The following TTC39B variants were observed in gnomAD, a reference collection of about 807,000 sequenced individuals.
TTC39B encodes tetratricopeptide repeat protein 39B.
A neutral mutation model predicts 96.6 loss-of-function variants in TTC39B; 92 were observed. The observed-to-expected ratio is 0.95, with a 90% CI of 0.80 to 1.13. TTC39B has a LOEUF of 1.13. Among genes scored for constraint, TTC39B ranks in the 50% most tolerant of loss-of-function variants. TTC39B has a pLI of 0.00. For synonymous variants in TTC39B, 367 were observed against 299.4 expected (o/e 1.23, Z -2.33); for missense variants, 955 against 809.3 (o/e 1.18, Z -2.18).
intron 9 of TTC39B, among the ~76,000 whole-genome samples, chr9:15,192,176 G>A (rs1818895668): frequency 6.6e-6 from 1 of 152,020 alleles, no homozygotes; most frequent in South Asian, 2.1e-4. Flanking sequence ...TCACATATTG[G>A]AATTTGACAG....
At chr9:15,254,314 C>A (rs896977072) in intron 2 of TTC39B, among the ~76,000 whole-genome samples, 6 of 151,692 alleles carry the variant, frequency 4.0e-5, no homozygotes, top group Admixed American at 1.3e-4. Flanking sequence ...TTTTTTAAAT[C>A]TTTAAAAAGT....
chr9:15,299,865 G>C (rs538382523), intron 1 of TTC39B, among the ~76,000 whole-genome samples: 4 of 152,300 alleles, frequency 2.6e-5, no homozygotes, highest in African/African-American at 7.2e-5. Flanking sequence ...ACTGATACTT[G>C]TCTGCAGAAG....
At chr9:15,291,844 G>A (rs1279557979) in intron 1 of TTC39B, among the ~76,000 whole-genome samples, 1 of 152,148 alleles carries the variant, frequency 6.6e-6, no homozygotes, top group Non-Finnish European at 1.5e-5. Flanking sequence ...AAGAACATGG[G>A]CAAGCTTGCA....
chr9:15,201,379 G>C (rs1259006079), intron 7 of TTC39B, among the ~76,000 whole-genome samples: 1 of 152,164 alleles, frequency 6.6e-6, no homozygotes, highest in East Asian at 1.9e-4. Context: ...TGTTAAGGGA[G>C]GGCGTCAAGC....
exon 20 of TTC39B, chr9:15,167,020 ATATATATATTTTTTTTTT>A (rs1817540155): frequency 4.2e-4 from 3 of 7,132 alleles, no homozygotes; most frequent in Non-Finnish European, 6.5e-4. Flanking sequence ...ATATATATAT[ATATATATATTTTTTTTTT>A]TTTTTTTTTT....
At chr9:15,234,851 T>C (rs779617912) in intron 2 of TTC39B, among the ~76,000 whole-genome samples, 41 of 152,048 alleles carry the variant, frequency 2.7e-4, no homozygotes, top group African/African-American at 3.9e-4. Flanking sequence ...TAAGAGTCAT[T>C]ACCACTCCCT....
intron 15 of TTC39B, chr9:15,185,669 A>C: frequency 2.7e-6 from 1 of 368,014 alleles, no homozygotes; most frequent in Non-Finnish European, 4.9e-6. Context: ...ACTGACTGAC[A>C]CATATTTCTT....
intron 1 of TTC39B, among the ~76,000 whole-genome samples, chr9:15,283,517 T>C (rs73646029): frequency 0.013 from 2,006 of 151,592 alleles, 42 homozygotes; most frequent in African/African-American, 0.045. Flanking sequence ...TGAGTTCCTT[T>C]TCATGCCAGG....
At chr9:15,247,970 G>C (rs1016819489) in intron 2 of TTC39B, among the ~76,000 whole-genome samples, 3 of 152,202 alleles carry the variant, frequency 2.0e-5, no homozygotes, top group African/African-American at 7.2e-5. Flanking sequence ...TCAGGATTCT[G>C]AGTGACCCTA....
At chr9:15,294,057 T>A (rs1411902566) in intron 1 of TTC39B, among the ~76,000 whole-genome samples, 1 of 152,202 alleles carries the variant, frequency 6.6e-6, no homozygotes, top group Non-Finnish European at 1.5e-5. Flanking sequence ...TGAACTCCTT[T>A]AAATTTAATT....
chr9:15,179,143 A>G (rs1004640202), intron 17 of TTC39B, among the ~76,000 whole-genome samples: 13 of 152,244 alleles, frequency 8.5e-5, no homozygotes, highest in Admixed American at 7.2e-4. Flanking sequence ...ATTACGTGTG[A>G]CATCTATCTG....
intron 1 of TTC39B, among the ~76,000 whole-genome samples, chr9:15,294,588 C>T (rs957510648): frequency 1.3e-5 from 2 of 152,140 alleles, no homozygotes; most frequent in Non-Finnish European, 2.9e-5. Flanking sequence ...CCTTTGAGCC[C>T]CTGTTTACTG....
intron 15 of TTC39B, 144 bp downstream of exon 15, chr9:15,186,800 A>C: frequency 1.4e-6 from 1 of 711,594 alleles, no homozygotes; most frequent in Non-Finnish European, 2.4e-6. Flanking sequence ...GGCTTAAGCA[A>C]TCCTCCCACC....
intron 17 of TTC39B, among the ~76,000 whole-genome samples, chr9:15,179,868 C>A (rs1055481005): frequency 6.6e-6 from 1 of 152,132 alleles, no homozygotes; most frequent in Non-Finnish European, 1.5e-5. Context: ...AGGCATACGG[C>A]GACTGGGTTC....
rs567753532 is a variant in TTC39B, at chr9:15,247,689, G to C, written c.275+20225C>G. 1.2e-3 allele frequency among the ~76,000 whole-genome samples: 186 copies of C among 152,106 alleles called. 1 individual carries two copies. The highest frequency in any genetic ancestry group is 4.1e-3 in the African/African-American group (170 of 41,468). On this transcript the variant is annotated intron_variant, in intron 2 of 19. Transcript: ENST00000512701. ...CCTGTCCTTTCTAAAGTGAACCAAA[G>C]ACATAAATGTATATGTGCTGTTAAC...
chr9:15,307,211 C>T lies in TTC39B; in HGVS notation c.113G>A (p.Cys38Tyr), dbSNP rs756273957. The stretch of plus-strand genomic sequence containing the variant: ...TCTCGGCTCTGGGCTCAGCCCAGCG[C>T]AAAGGAGGGCAAAAGGGGACGGCCC... The change falls in exon 1 of 20, where the codon TGC becomes TAC. Residue 38 changes from cysteine (C) to tyrosine (Y), a missense_variant. Cys to Tyr is a radical substitution (Grantham distance 194). Coordinates refer to ENST00000512701, the Ensembl canonical transcript of TTC39B. The T allele has an allele frequency of 2.1e-5, 33 of 1,558,242 alleles. No homozygotes were observed. The South Asian group carries it at 3.6e-4, about 17-fold the overall frequency.
intron 6 of TTC39B, among the ~76,000 whole-genome samples, chr9:15,207,471 C>T (rs1004806911): frequency 2.0e-5 from 3 of 152,134 alleles, no homozygotes; most frequent in African/African-American, 7.2e-5. Flanking sequence ...ATTTCATGCC[C>T]TTCTCTACTT....
chr9:15,282,491 G>A (rs1260828628), intron 1 of TTC39B, among the ~76,000 whole-genome samples: 1 of 152,130 alleles, frequency 6.6e-6, no homozygotes, highest in Non-Finnish European at 1.5e-5. Flanking sequence ...CTCTTAACAT[G>A]GGTTTACTGC....
At chr9:15,187,466 T>C (rs1468607076) in intron 14 of TTC39B, among the ~76,000 whole-genome samples, 1 of 152,230 alleles carries the variant, frequency 6.6e-6, no homozygotes, top group African/African-American at 2.4e-5. Context: ...AAAATAACTC[T>C]TTGTTGTTGT....
Sources: gnomAD v4.1 joint callset for allele counts (sites outside exome capture counted in the v4.1 genomes callset) on GRCh38, gnomAD v4.1.1 for gene constraint, MANE v1.5 for transcripts, NCBI Gene and HGNC (gene_info 2026-07-23, HGNC 2026-07-21) for gene names.